Variants in FKBP11 observed in about 807,000 individuals in gnomAD.
The protein encoded by FKBP11 is peptidyl-prolyl cis-trans isomerase FKBP11.
A neutral mutation model predicts 24.7 loss-of-function variants in FKBP11; 21 were observed. That is an observed-to-expected ratio of 0.85 (90% confidence interval 0.60 to 1.23). The LOEUF (loss-of-function observed/expected upper bound fraction) is 1.23, where lower values mean the gene tolerates loss of function less well. Ranked by LOEUF, FKBP11 falls within the 50% of genes most tolerant of loss-of-function variation. FKBP11 has a pLI of 0.00. For synonymous variants in FKBP11, 106 were observed against 100.6 expected (o/e 1.05, Z -0.32); for missense variants, 245 against 248.7 (o/e 0.99, Z 0.10).
At chr12:48,925,587 C>T, upstream of FKBP11, 1 of 961,896 alleles carries the variant, frequency 1.0e-6, no homozygotes, top group Non-Finnish European at 1.5e-6. Flanking sequence ...ACCTTGTCCC[C>T]ACCTCCGAAA....
intron 2 of FKBP11, 60 bp from the exon 3 acceptor site, chr12:48,924,708 C>T: frequency 6.3e-7 from 1 of 1,590,148 alleles, no homozygotes; most frequent in South Asian, 1.1e-5. Context: ...AGCAGGCGCG[C>T]AACACACACC....
At chr12:48,927,368 G>C (rs1939991904), upstream of FKBP11, among the ~76,000 whole-genome samples, 2 of 151,950 alleles carry the variant, frequency 1.3e-5, no homozygotes. Context: ...AGTCCCCTCA[G>C]CAGGAGGGAA....
chr12:48,938,458 C>T, the FKBP11 span: 2 of 449,842 alleles, frequency 4.4e-6, no homozygotes, highest in Non-Finnish European at 8.9e-6. Flanking sequence ...AAATATATCT[C>T]TCTATACATG....
chr12:48,932,229 A>G, the FKBP11 span, among the ~76,000 whole-genome samples: 1 of 24,718 alleles, frequency 4.0e-5, no homozygotes, highest in African/African-American at 2.0e-4. Context: ...ACATATATTT[A>G]TATATATATA....
rs1248888743 is a variant in FKBP11, at chr12:48,925,051, AGTGTAT to A, written c.184_189del (p.Ile62_His63del). On this transcript the variant is annotated inframe_deletion, in exon 2 of 6. Coordinates refer to ENST00000550765, the MANE Select transcript of FKBP11 (RefSeq NM_016594.3). ...CGGCCCCCCAGACCCCTCACCGTGT[AGTGTAT>A]GTGAAGCGTGTCTCCAAAAGCAGCG... 2.7e-6 allele frequency: 4 copies of A among 1,492,078 alleles called. No homozygotes were observed. The highest frequency in any genetic ancestry group is 3.7e-6 in the Non-Finnish European group (4 of 1,091,624). The allele number at this position is 1,492,078 out of a possible 1,614,324, so 92.4% of individuals were successfully genotyped here. A position where few individuals can be genotyped will look rare whatever the true frequency, so the allele number is the denominator to read the frequency against.
At position 48,925,322 on chromosome 12, in the gene FKBP11, C is replaced by T. The variant is rs1382856154; in HGVS notation, c.107G>A (p.Arg36Gln). 1 of 1,611,648 alleles carries T rather than the reference C, an allele frequency of 6.2e-7. No individual in the cohort carries two copies. The highest frequency in any genetic ancestry group is 8.5e-7 in the Non-Finnish European group (1 of 1,179,406). Residue 36 changes from arginine (R) to glutamine (Q), a missense_variant, in exon 1 of 6, where the codon CGG becomes CAG. Transcript: ENST00000550765. ...EAGLETESPV[R>Q]TLQVETLVEP... Reference sequence around the variant, plus strand: ...CACCAGGGTCTCCACTTGGAGGGTCCGGACGGGACTTTCGGTTTCGAGCCC... The same window carrying T: ...CACCAGGGTCTCCACTTGGAGGGTCTGGACGGGACTTTCGGTTTCGAGCCC...
At chr12:48,926,710 C>T (rs905607753), upstream of FKBP11, among the ~76,000 whole-genome samples, 6 of 151,822 alleles carry the variant, frequency 4.0e-5, no homozygotes, top group Non-Finnish European at 8.8e-5. Flanking sequence ...TCAGGCTGGT[C>T]TCGAATTCCC....
intron 5 of FKBP11, 81 bp from the exon 6 acceptor site, chr12:48,922,282 T>C: frequency 2.3e-6 from 3 of 1,317,612 alleles, no homozygotes; most frequent in East Asian, 2.3e-5. Flanking sequence ...ATAGGGAGCG[T>C]AGGCCACAGC....
chr12:48,934,510 G>C, the FKBP11 span, among the ~76,000 whole-genome samples: 1 of 152,114 alleles, frequency 6.6e-6, no homozygotes, highest in Non-Finnish European at 1.5e-5. Flanking sequence ...GAACTGGAAG[G>C]CTTCAGCAAC....
At chr12:48,922,319 G>T in intron 5 of FKBP11, 118 bp from the exon 6 acceptor site, 1 of 931,534 alleles carries the variant, frequency 1.1e-6, no homozygotes, top group Non-Finnish European at 1.6e-6. Flanking sequence ...AAGCTGACAA[G>T]ATTTAAATGT....
At chr12:48,928,369 G>A (rs1395151278), upstream of FKBP11, among the ~76,000 whole-genome samples, 3 of 149,224 alleles carry the variant, frequency 2.0e-5, no homozygotes, top group East Asian at 2.0e-4. Flanking sequence ...TCTTTTGACC[G>A]AGTCTCGCTC....
At chr12:48,932,228 TATATATATATA>T in the FKBP11 span, among the ~76,000 whole-genome samples, 34 of 32,840 alleles carry the variant, frequency 1.0e-3, no homozygotes, top group African/African-American at 3.9e-3. Context: ...AACATATATT[TATATATATATA>T]TATATATATA....
the FKBP11 span, among the ~76,000 whole-genome samples, chr12:48,932,243 ATATATATATATATATATATTTTT>A: frequency 2.7e-5 from 1 of 37,442 alleles, no homozygotes; most frequent in African/African-American, 1.2e-4. Context: ...ATATATATAT[ATATATATATATATATATATTTTT>A]TTTTTTTTTT....
chr12:48,925,514 C>A, upstream of FKBP11: 1 of 1,465,102 alleles, frequency 6.8e-7, no homozygotes, highest in South Asian at 1.3e-5. Context: ...GGCGCCCAGG[C>A]CAGACTGGAC....
chr12:48,938,467 T>C, the FKBP11 span: 4 of 439,972 alleles, frequency 9.1e-6, no homozygotes, highest in Middle Eastern at 3.8e-4. Context: ...TCTCTATACA[T>C]GTATATACAG....
chr12:48,935,618 C>A, the FKBP11 span: 1 of 152,250 alleles, frequency 6.6e-6, no homozygotes, highest in Non-Finnish European at 1.5e-5. Flanking sequence ...TTTGTGGGAT[C>A]TCTGGATGAG....
chr12:48,932,168 A>AAT, the FKBP11 span, among the ~76,000 whole-genome samples: 4,007 of 123,920 alleles, frequency 0.032, 88 homozygotes, highest in African/African-American at 0.041. Flanking sequence ...TAAAAGTAAA[A>AAT]ATATATATAT....
chr12:48,938,243 T>C, the FKBP11 span: 3 of 368,846 alleles, frequency 8.1e-6, no homozygotes, highest in Admixed American at 9.9e-5. Context: ...ATCCATCATC[T>C]GTCCTATCAT....
intron 5 of FKBP11, 30 bp downstream of exon 5, chr12:48,923,752 T>A: frequency 6.2e-7 from 1 of 1,608,304 alleles, no homozygotes; most frequent in Non-Finnish European, 8.5e-7. Context: ...GGTATTTTGA[T>A]GGCCTGAGAG....
Sources: allele counts gnomAD v4.1 joint callset (sites outside exome capture counted in the v4.1 genomes callset), GRCh38; gene constraint gnomAD v4.1.1; transcripts MANE v1.5; gene names NCBI Gene and HGNC (gene_info 2026-07-23, HGNC 2026-07-21).